Variants in HS6ST3 observed in about 807,000 individuals in gnomAD.
HS6ST3 encodes the protein heparan sulfate 6-O-sulfotransferase 3.
In HS6ST3, 12 loss-of-function variants were observed where a neutral mutation model predicts 36.7. The observed-to-expected ratio is 0.33, with a 90% CI of 0.21 to 0.53. The LOEUF (loss-of-function observed/expected upper bound fraction) is 0.53. Among genes scored for constraint, HS6ST3 ranks in the 20% least tolerant of loss-of-function variants. The probability of loss-of-function intolerance (pLI) is 0.95; values close to 1 mark genes in which losing one functional copy is unlikely to be tolerated. For synonymous variants in HS6ST3, 240 were observed against 257.5 expected (o/e 0.93, Z 0.65); for missense variants, 584 against 640.9 (o/e 0.91, Z 0.96).
At chr13:96,461,239 G>A (rs1300009476) in intron 1 of HS6ST3, among the ~76,000 whole-genome samples, 1 of 152,142 alleles carries the variant, frequency 6.6e-6, no homozygotes, top group South Asian at 2.1e-4. Context: ...CAGACGTTGG[G>A]AATGAGAAGA....
chr13:96,824,771 A>C (rs540954281), intron 1 of HS6ST3, among the ~76,000 whole-genome samples: 6 of 152,334 alleles, frequency 3.9e-5, no homozygotes, highest in Admixed American at 2.6e-4. Context: ...TCCATGCTCC[A>C]TGGAGAGGAT....
intron 1 of HS6ST3, among the ~76,000 whole-genome samples, chr13:96,148,140 GA>G (rs2054066961): frequency 6.6e-6 from 1 of 152,122 alleles, no homozygotes; most frequent in Admixed American, 6.5e-5. Flanking sequence ...TCTTTATTTA[GA>G]AATTTGGTGT....
intron 1 of HS6ST3, among the ~76,000 whole-genome samples, chr13:96,626,645 A>G (rs1473409457): frequency 1.3e-5 from 2 of 152,110 alleles, no homozygotes; most frequent in Admixed American, 1.3e-4. Context: ...CTGTAGAAAA[A>G]TTTGGGATGA....
intron 1 of HS6ST3, among the ~76,000 whole-genome samples, chr13:96,567,499 T>C (rs1385131087): frequency 6.6e-6 from 1 of 152,158 alleles, no homozygotes; most frequent in Non-Finnish European, 1.5e-5. Flanking sequence ...TATGCATCAC[T>C]CTATTATATA....
intron 1 of HS6ST3, among the ~76,000 whole-genome samples, chr13:96,389,573 T>A (rs1051886055): frequency 6.6e-6 from 1 of 152,160 alleles, no homozygotes; most frequent in Non-Finnish European, 1.5e-5. Context: ...ATTCAAGCAT[T>A]TATCTAGAAA....
intron 1 of HS6ST3, among the ~76,000 whole-genome samples, chr13:96,275,759 A>G (rs1206799044): frequency 6.6e-6 from 1 of 152,082 alleles, no homozygotes; most frequent in Non-Finnish European, 1.5e-5. Flanking sequence ...GCTTTTATGC[A>G]AGGCTCAAGG....
chr13:96,184,007 C>T (rs1594707724), intron 1 of HS6ST3, among the ~76,000 whole-genome samples: 1 of 151,716 alleles, frequency 6.6e-6, no homozygotes, highest in Non-Finnish European at 1.5e-5. Context: ...TGGAGACCAT[C>T]CTGGCCAACA....
chr13:96,383,216 C>T (rs1361364794), intron 1 of HS6ST3, among the ~76,000 whole-genome samples: 2 of 152,134 alleles, frequency 1.3e-5, no homozygotes, highest in Admixed American at 1.3e-4. Flanking sequence ...CTTTGGGAGG[C>T]CAAGGCAGGT....
intron 1 of HS6ST3, among the ~76,000 whole-genome samples, chr13:96,632,111 C>A (rs2056533901): frequency 6.6e-6 from 1 of 152,084 alleles, no homozygotes; most frequent in African/African-American, 2.4e-5. Flanking sequence ...GAGATTAATG[C>A]CTTATAAAAG....
intron 1 of HS6ST3, among the ~76,000 whole-genome samples, chr13:96,124,857 G>A (rs1174448127): frequency 6.6e-6 from 1 of 152,166 alleles, no homozygotes; most frequent in Non-Finnish European, 1.5e-5. Context: ...GACGTTTAAG[G>A]TATGGTATGC....
intron 1 of HS6ST3, among the ~76,000 whole-genome samples, chr13:96,811,692 A>G (rs1372624597): frequency 1.3e-5 from 2 of 152,226 alleles, no homozygotes; most frequent in Non-Finnish European, 2.9e-5. Context: ...GAGCACATAT[A>G]ATAAATAACC....
intron 1 of HS6ST3, among the ~76,000 whole-genome samples, chr13:96,596,637 T>A (rs570607173): frequency 1.3e-5 from 2 of 152,248 alleles, no homozygotes; most frequent in African/African-American, 4.8e-5. Flanking sequence ...ATTTTTTGAC[T>A]TTTTAATAAT....
chr13:96,557,446 C>T (rs1052519126), intron 1 of HS6ST3, among the ~76,000 whole-genome samples: 1 of 152,054 alleles, frequency 6.6e-6, no homozygotes, highest in African/African-American at 2.4e-5. Context: ...TGAAAGACAC[C>T]ACACCAATGA....
intron 1 of HS6ST3, among the ~76,000 whole-genome samples, chr13:96,609,191 C>G (rs956857571): frequency 6.6e-6 from 1 of 151,956 alleles, no homozygotes; most frequent in Non-Finnish European, 1.5e-5. Flanking sequence ...AGGATGGTCT[C>G]GATCTCCTGA....
At chr13:96,092,907 T>C (rs751289730) in intron 1 of HS6ST3, among the ~76,000 whole-genome samples, 2 of 152,210 alleles carry the variant, frequency 1.3e-5, no homozygotes, top group South Asian at 4.1e-4. Context: ...GGAATTAGGC[T>C]CTTCTCTTAG....
chr13:96,300,167 C>T (rs2054874950), intron 1 of HS6ST3, among the ~76,000 whole-genome samples: 1 of 148,818 alleles, frequency 6.7e-6, no homozygotes, highest in South Asian at 2.1e-4. Context: ...AGCAATTCTC[C>T]TGCCTCAGCC....
chr13:96,701,930 G>A (rs1306256751), intron 1 of HS6ST3, among the ~76,000 whole-genome samples: 2 of 152,140 alleles, frequency 1.3e-5, no homozygotes, highest in African/African-American at 4.8e-5. Flanking sequence ...CCACTGCACT[G>A]CAGCCTAGAT....
At chr13:96,206,735 C>T (rs1401849472) in intron 1 of HS6ST3, among the ~76,000 whole-genome samples, 3 of 152,126 alleles carry the variant, frequency 2.0e-5, no homozygotes, top group African/African-American at 7.2e-5. Context: ...ATAAATGGTG[C>T]TGGGACAACT....
chr13:96,237,534 G>A (rs1224518618), intron 1 of HS6ST3, among the ~76,000 whole-genome samples: 1 of 151,900 alleles, frequency 6.6e-6, no homozygotes, highest in East Asian at 1.9e-4. Context: ...TACCAGATCA[G>A]TGTTTAAAAA....
Sources: gnomAD v4.1 joint callset for allele counts (sites outside exome capture counted in the v4.1 genomes callset) on GRCh38, gnomAD v4.1.1 for gene constraint, MANE v1.5 for transcripts, NCBI Gene and HGNC (gene_info 2026-07-23, HGNC 2026-07-21) for gene names.